Variants in SF3B1 observed in about 807,000 individuals in gnomAD.
SF3B1 encodes pre-mRNA processing 10.
Under a neutral mutation model 153.8 loss-of-function variants are expected in SF3B1, and 12 were observed. The observed-to-expected ratio is 0.08, with a 90% confidence interval of 0.05 to 0.13. The LOEUF (loss-of-function observed/expected upper bound fraction) is 0.13. Ranked by LOEUF, SF3B1 falls within the 10% of genes least tolerant of loss-of-function variation. SF3B1 has a pLI of 1.00. For missense variants in SF3B1, 513 were observed against 1,606.1 expected (o/e 0.32, Z 11.63); for synonymous variants, 498 against 525.2 (o/e 0.95, Z 0.71).
chr2:197,394,246 G>A (rs965874790), intron 23 of SF3B1, among the ~76,000 whole-genome samples: 6 of 152,006 alleles, frequency 3.9e-5, no homozygotes, highest in Admixed American at 6.6e-5. Context: ...GGAAGGCCTC[G>A]CTATGTTGCC....
At chr2:197,403,530 T>A in intron 12 of SF3B1, 55 bp downstream of exon 12, 1 of 1,187,782 alleles carries the variant, frequency 8.4e-7, no homozygotes, top group Non-Finnish European at 1.2e-6. Flanking sequence ...TAACATTGAT[T>A]AACTGAAAAA....
chr2:197,392,570 T>TTG (rs773136336), intron 24 of SF3B1, 109 bp from the exon 25 acceptor site: 9 of 145,714 alleles, frequency 6.2e-5, no homozygotes, highest in Non-Finnish European at 1.0e-4. Flanking sequence ...CTTGGGGAGT[T>TTG]GGGGGGGGGG....
Position 197,392,319 on chromosome 2 carries a change from A to G in SF3B1, c.3899T>C (p.Leu1300Pro). ...DDKNTYIRYE[L>P]DYIL ...ACAATAAAATTATAAGATATAGTCA[A>G]GTTCATAACGAATATAGGTGTTCTT... Residue 1300 changes from leucine (L) to proline (P), a missense_variant, in exon 25 of 25, where the codon CTT (leucine) becomes CCT (proline). This residue lies in a region of SF3B1 where 33 missense variants were observed against 43.5 expected (regional missense o/e 0.76). Transcript: ENST00000335508. 1 of 1,186,470 alleles carries G rather than the reference A, an allele frequency of 8.4e-7. No individual in the cohort carries two copies. The highest frequency in any genetic ancestry group is 1.3e-6 in the Non-Finnish European group (1 of 794,946). The allele number at this position is 1,186,470 out of a possible 1,614,324, so 73.5% of individuals were successfully genotyped here. A position where few individuals can be genotyped will look rare whatever the true frequency, so the allele number is the denominator to read the frequency against.
intron 5 of SF3B1, among the ~76,000 whole-genome samples, chr2:197,417,768 C>A (rs986781381): frequency 6.6e-6 from 1 of 151,616 alleles, no homozygotes; most frequent in African/African-American, 2.4e-5. Flanking sequence ...AACAAACAAA[C>A]AAAAAGTAGG....
At chr2:197,403,851 C>T in intron 11 of SF3B1, 87 bp from the exon 12 acceptor site, 1 of 988,422 alleles carries the variant, frequency 1.0e-6, no homozygotes, top group Middle Eastern at 2.1e-4. Context: ...ATTTTCCATA[C>T]TTTAATATTT....
intron 1 of SF3B1, among the ~76,000 whole-genome samples, 180 bp downstream of exon 1, chr2:197,434,792 G>A (rs960875583): frequency 2.0e-5 from 3 of 152,274 alleles, no homozygotes; most frequent in South Asian, 2.1e-4. Context: ...GGTGTAAGAG[G>A]AGGACGCCAT....
chr2:197,398,652 A>C (rs2084902850), intron 20 of SF3B1, 71 bp from the exon 21 acceptor site: 11 of 1,365,770 alleles, frequency 8.1e-6, no homozygotes, highest in African/African-American at 1.4e-5. Context: ...TTTACTTAGC[A>C]ATGTCATATA....
intron 21 of SF3B1, 121 bp downstream of exon 21, chr2:197,398,340 T>C (rs1159641105): frequency 9.0e-7 from 1 of 1,116,100 alleles, no homozygotes; most frequent in Non-Finnish European, 1.3e-6. Flanking sequence ...ATATTAATAC[T>C]GGATAGCCTA....
At position 197,409,786 on chromosome 2, in the gene SF3B1, G is replaced by C; in HGVS notation, c.888C>G (p.Thr296=). Reference sequence around the variant, plus strand: ...TAGAAGTACCTCTCTCTGTTTTGGGGGTTTCATCCCATCTGTTTTTACGAG... The same window carrying C: ...TAGAAGTACCTCTCTCTGTTTTGGGCGTTTCATCCCATCTGTTTTTACGAG... ...SSARKNRWDE[T]PKTERDTPGH... is the part of the protein sequence containing the mutation. Residue 296 remains threonine (T), a synonymous_variant, in exon 7 of 25, where the codon ACC becomes ACG. Coordinates refer to ENST00000335508, the MANE Select transcript of SF3B1 (RefSeq NM_012433.4). 6.2e-7 allele frequency: 1 copy of C among 1,613,490 alleles called. No individual in the cohort carries two copies. Among genetic ancestry groups the C allele is most frequent in the Non-Finnish European group, 8.5e-7 (1 of 1,179,524 alleles).
At chr2:197,407,583 C>T in intron 9 of SF3B1, among the ~76,000 whole-genome samples, 1 of 143,820 alleles carries the variant, frequency 7.0e-6, no homozygotes, top group Admixed American at 7.2e-5. Context: ...TCAGCCTGGG[C>T]AACAGAGTGA....
chr2:197,396,186 T>G lies in SF3B1; in HGVS notation c.3409A>C (p.Arg1137=). Residue 1137 remains arginine, a synonymous_variant, in exon 23 of 25, where the codon AGA becomes CGA. Transcript: ENST00000335508. ...TTTTGAACATTCAGTTCAGGAACTCTGTATTCATTCATTAAGGCAGGGAGT... is the reference window on the plus strand; with the variant it reads ...TTTTGAACATTCAGTTCAGGAACTCGGTATTCATTCATTAAGGCAGGGAGT... ...TVLPALMNEY[R]VPELNVQNGV... 1 of 1,614,034 alleles carries G rather than the reference T, an allele frequency of 6.2e-7. No homozygotes were observed. The highest frequency in any genetic ancestry group is 1.1e-5 in the South Asian group (1 of 91,082).
Position 197,392,153 on chromosome 2 carries a change from G to A in SF3B1, c.*150C>T, listed in dbSNP as rs957753485. 7 of 465,426 alleles carry A rather than the reference G, an allele frequency of 1.5e-5. No homozygotes were observed. The highest frequency in any genetic ancestry group is 4.0e-5 in the African/African-American group (2 of 50,264). 28.8% of individuals were successfully genotyped at this position (465,426 alleles called of 1,614,324 possible). ...TGTTTAACATCAAAAACAAAGACAG[G>A]TTATTTAAAAATCATGCTACTGGAT... On this transcript the variant is annotated 3_prime_UTR_variant, in exon 25 of 25. Coordinates refer to ENST00000335508, the MANE Select transcript of SF3B1 (RefSeq NM_012433.4).
rs267599149 is a variant in SF3B1, at chr2:197,392,329, G to A, written c.3889C>T (p.Arg1297Cys). The A allele has an allele frequency of 2.3e-6, 3 of 1,286,510 alleles. No homozygotes were observed. Among genetic ancestry groups the A allele is most frequent in the Non-Finnish European group, 3.4e-6 (3 of 883,062 alleles). The allele number at this position is 1,286,510 out of a possible 1,614,324, so 79.7% of individuals were successfully genotyped here. Reference protein sequence around the residue: ...IYNDDKNTYIRYELDYIL With the variant: ...IYNDDKNTYICYELDYIL ...TATAAGATATAGTCAAGTTCATAAC[G>A]AATATAGGTGTTCTTATCATCGTTG... Residue 1297 changes from arginine to cysteine, a missense_variant, in exon 25 of 25, where the codon CGT becomes TGT. Around this residue, in one of 21 missense-constraint regions of SF3B1, gnomAD observed 33 missense variants for 43.5 expected, o/e 0.76. Coordinates refer to ENST00000335508, the MANE Select transcript of SF3B1 (RefSeq NM_012433.4).
In SF3B1 at chr2:197,390,560, A is replaced by G. The variant is rs1249349858; in HGVS notation, c.*1743T>C. 1 of 152,168 alleles carries G rather than the reference A, an allele frequency of 6.6e-6. No homozygotes were observed. Among genetic ancestry groups the G allele is most frequent in the Non-Finnish European group, 1.5e-5 (1 of 68,028 alleles). 9.4% of individuals were successfully genotyped at this position (152,168 alleles called of 1,614,324 possible). A position where few individuals can be genotyped will look rare whatever the true frequency, so the allele number is the denominator to read the frequency against. ...CATACAAGGAATGATGAGGAGTTAC[A>G]AATCCAACTTGGAAACCCTTAATGC... On this transcript the variant is annotated 3_prime_UTR_variant, in exon 25 of 25. Transcript: ENST00000335508.
Position 197,392,215 on chromosome 2 carries a change from C to T in SF3B1, c.*88G>A. ...CCTCTATGACCAGTTCTACACTGAT[C>T]TGCAATGTTTAAAAGTTTACATCAC... On this transcript the variant is annotated 3_prime_UTR_variant, in exon 25 of 25. Transcript: ENST00000335508. 9.2e-6 allele frequency: 6 copies of T among 655,620 alleles called. No individual in the cohort carries two copies. The highest frequency in any genetic ancestry group is 3.8e-5 in the South Asian group (2 of 52,782). The allele number at this position is 655,620 out of a possible 1,614,324, so 40.6% of individuals were successfully genotyped here.
intron 1 of SF3B1, among the ~76,000 whole-genome samples, chr2:197,431,287 T>C (rs1287278736): frequency 1.3e-5 from 2 of 151,912 alleles, no homozygotes; most frequent in Admixed American, 6.6e-5. Flanking sequence ...CCGGTTAATT[T>C]TTTTGTACTT....
In SF3B1 at chr2:197,396,053, T is replaced by C; in HGVS notation, c.3539+3A>G. ...TTTCTTGTATTTAGTTCAAGTCACT[T>C]ACCTATCCATTAAAGCATCTTCAAG... On this transcript the variant is annotated splice_donor_region_variant and intron_variant, in intron 23 of 24. Transcript: ENST00000335508. The C allele has an allele frequency of 5.0e-6, 8 of 1,607,994 alleles. No homozygotes were observed. The highest frequency in any genetic ancestry group is 6.8e-6 in the Non-Finnish European group (8 of 1,175,132).
At chr2:197,418,471 C>G (rs375404616) in intron 5 of SF3B1, 38 bp downstream of exon 5, 503 of 1,477,976 alleles carry the variant, frequency 3.4e-4, no homozygotes, top group Non-Finnish European at 4.5e-4. Flanking sequence ...TATTTATATT[C>G]TTTCACAACC....
In SF3B1 at chr2:197,421,050, A is replaced by G. The variant is rs1288460185; in HGVS notation, c.279T>C (p.Asp93=). The change falls in exon 3 of 25, where the codon GAT becomes GAC. Residue 93 remains aspartate (D), a synonymous_variant. Transcript: ENST00000335508. ...GYHAPVALLN[D]IPQSTEQYDP... ...TCACCTGTTCTGTTGACTGTGGTAT[A>G]TCATTAAGCAATGCCACAGGGGCAT... 1 of 1,608,650 alleles carries G rather than the reference A, an allele frequency of 6.2e-7. No homozygotes were observed. Among genetic ancestry groups the G allele is most frequent in the Admixed American group, 1.7e-5 (1 of 59,724 alleles).
Sources: gnomAD v4.1 joint callset for allele counts (sites outside exome capture counted in the v4.1 genomes callset) on GRCh38, gnomAD v4.1.1 for gene constraint, gnomAD v4.1.1 regional missense constraint, MANE v1.5 for transcripts, NCBI Gene and HGNC (gene_info 2026-07-23, HGNC 2026-07-21) for gene names.